ERBB3: variants seen among roughly 807,000 people sequenced by gnomAD.
ERBB3 encodes receptor tyrosine-protein kinase erbB-3.
A neutral mutation model predicts 156.7 loss-of-function variants in ERBB3; 96 were observed. The ratio of observed to expected loss-of-function variants is 0.61; its 90% confidence interval spans 0.52 to 0.73. The LOEUF (loss-of-function observed/expected upper bound fraction) is 0.73, where lower values mean the gene tolerates loss of function less well. ERBB3 is among the 30% of genes least tolerant of loss of function. The pLI is 0.00. For missense variants in ERBB3, 1,406 were observed against 1,709.4 expected, an observed-to-expected ratio of 0.82 and a Z score of 3.13; for synonymous variants, 567 against 632.0, an observed-to-expected ratio of 0.90 and a Z score of 1.54.
At position 56,102,968 on chromosome 12, in the gene ERBB3, GA is replaced by G. The variant is rs943411484; in HGVS notation, c.*925del. On this transcript the variant is annotated 3_prime_UTR_variant, in exon 28 of 28. Transcript: ENST00000267101. Reference sequence around the variant, plus strand: ...ATAGCAAGACACTGTCTCTACAGGGGAAAAAAAAAAAAGAAACTGAGCCTTA... The same window carrying G: ...ATAGCAAGACACTGTCTCTACAGGGGAAAAAAAAAAAGAAACTGAGCCTTA... 0.046 allele frequency: 8,442 copies of G among 185,180 alleles called. No individual in the cohort carries two copies. Among genetic ancestry groups the G allele is most frequent in the Middle Eastern group, 0.1 (52 of 518 alleles). The allele number at this position is 185,180 out of a possible 1,614,324, so 11.5% of individuals were successfully genotyped here. A position where few individuals can be genotyped will look rare whatever the true frequency, so the allele number is the denominator to read the frequency against.
intron 17 of ERBB3, 55 bp from the exon 18 acceptor site, chr12:56,096,448 G>C (rs1369870120): frequency 1.9e-6 from 3 of 1,611,436 alleles, no homozygotes; most frequent in Non-Finnish European, 2.5e-6. Context: ...GAGCGGGTTG[G>C]AGTGGGACAT....
chr12:56,095,750 C>T lies in ERBB3; in HGVS notation c.1999C>T (p.Arg667Cys), dbSNP rs775164134. The change falls in exon 17 of 28, where the codon CGT becomes TGT. Residue 667 changes from arginine to cysteine, a missense_variant. Transcript: ENST00000267101. Reference protein sequence around the residue: ...MMLGGTFLYWRGRRIQNKRAM... With the variant: ...MMLGGTFLYWCGRRIQNKRAM... ...GCTGGGCGGCACTTTTCTCTACTGG[C>T]GTGGGCGCCGGATTCAGAATAAAAG... is the stretch of plus-strand genomic sequence containing the variant. 3 of 1,614,126 alleles carry T rather than the reference C, an allele frequency of 1.9e-6. No individual in the cohort carries two copies. The highest frequency in any genetic ancestry group is 2.2e-5 in the South Asian group (2 of 91,080).
intron 1 of ERBB3, among the ~76,000 whole-genome samples, chr12:56,081,664 G>GGGAGGCA (rs1245117820): frequency 1.3e-5 from 2 of 152,058 alleles, no homozygotes; most frequent in African/African-American, 2.4e-5. Flanking sequence ...ACCCTCCCTG[G>GGGAGGCA]GGAGGCAGGA....
intron 4 of ERBB3, 120 bp from the exon 5 acceptor site, chr12:56,087,457 C>G (rs1312613327): frequency 1.1e-6 from 1 of 891,704 alleles, no homozygotes; most frequent in Admixed American, 1.7e-5. Context: ...GGGAGGGACA[C>G]AGCCCTGGCT....
At chr12:56,086,878 A>G in intron 4 of ERBB3, among the ~76,000 whole-genome samples, 1 of 152,206 alleles carries the variant, frequency 6.6e-6, no homozygotes, top group East Asian at 1.9e-4. Context: ...ATGGTGGCTC[A>G]TGCCTATAAT....
chr12:56,098,720 C>T (rs2136821978), intron 22 of ERBB3, 39 bp from the exon 23 acceptor site: 1 of 1,613,032 alleles, frequency 6.2e-7, no homozygotes, highest in Admixed American at 1.7e-5. Context: ...CCCATGTCTA[C>T]TATTTTGCCA....
chr12:56,084,656 C>A (rs1022776868), intron 2 of ERBB3, among the ~76,000 whole-genome samples: 1 of 150,014 alleles, frequency 6.7e-6, no homozygotes, highest in African/African-American at 2.4e-5. Context: ...CGAGACCAGC[C>A]TGACCAACAT....
chr12:56,095,518 A>C, intron 16 of ERBB3, 147 bp from the exon 17 acceptor site: 1 of 1,022,116 alleles, frequency 9.8e-7, no homozygotes, highest in Non-Finnish European at 1.5e-6. Context: ...GTCCAGATTT[A>C]GGTTGGTCCC....
In ERBB3 at chr12:56,094,431, T is replaced by G; in HGVS notation, c.1734T>G (p.His578Gln). The G allele has an allele frequency of 6.2e-7, 1 of 1,614,116 alleles. No individual in the cohort carries two copies. The highest frequency in any genetic ancestry group is 1.1e-5 in the South Asian group (1 of 91,076). ...CTGATACTTGTGCTCAATGTGCCCA[T>G]TTTCGAGATGGGCCCCACTGTGTGA... The part of the protein sequence containing the change: ...SGSDTCAQCA[H>Q]FRDGPHCVSS... The change falls in exon 15 of 28, where the codon CAT becomes CAG. Residue 578 changes from histidine (H) to glutamine (Q), a missense_variant. By Grantham distance (24) the His-to-Gln change is conservative. Transcript: ENST00000267101.
At chr12:56,092,888 T>C in intron 10 of ERBB3, 68 bp downstream of exon 10, 1 of 1,555,902 alleles carries the variant, frequency 6.4e-7, no homozygotes, top group South Asian at 1.1e-5. Context: ...GCGGTATAAC[T>C]ACTTGAGAAA....
rs765179217 is a variant in ERBB3 at position 56,095,799 on chromosome 12, G to A, written c.2048G>A (p.Arg683Gln). 1.3e-5 allele frequency: 21 copies of A among 1,614,024 alleles called. No individual in the cohort carries two copies. Among genetic ancestry groups the A allele is most frequent in the Middle Eastern group, 1.6e-4 (1 of 6,084 alleles). ...AGGGCTATGAGGCGATACTTGGAAC[G>A]GGGTGAGGTGAGTACTTAGCTTACT... Reference protein sequence around the residue: ...NKRAMRRYLERGESIEPLDPS... With the variant: ...NKRAMRRYLEQGESIEPLDPS... The change falls in exon 17 of 28, where the codon CGG (arginine) becomes CAG (glutamine). Residue 683 changes from arginine (R) to glutamine (Q), a missense_variant. Around this residue, in one of 3 missense-constraint regions of ERBB3, gnomAD observed 979 missense variants for 1,219.6 expected, o/e 0.80. Coordinates refer to ENST00000267101, the MANE Select transcript of ERBB3 (RefSeq NM_001982.4).
In ERBB3 at chr12:56,085,025, G is replaced by C. The variant is rs77228285; in HGVS notation, c.265G>C (p.Val89Leu). The C allele has an allele frequency of 6.2e-7, 1 of 1,614,072 alleles. No individual in the cohort carries two copies. Among genetic ancestry groups the C allele is most frequent in the East Asian group, 2.2e-5 (1 of 44,876 alleles). ...TCGAGAAGTGACAGGCTATGTCCTC[G>C]TGGCCATGAATGAATTCTCTACTCT... ...WIREVTGYVL[V>L]AMNEFSTLPL... Residue 89 changes from valine to leucine, a missense_variant, in exon 3 of 28, where the codon GTG (valine) becomes CTG (leucine). By Grantham distance (32) the Val-to-Leu change is conservative (BLOSUM62 1). This residue lies in a region of ERBB3 where 979 missense variants were observed against 1,219.6 expected (regional missense o/e 0.80). Coordinates refer to ENST00000267101, the MANE Select transcript of ERBB3 (RefSeq NM_001982.4).
chr12:56,096,729 C>G lies in ERBB3; in HGVS notation c.2176-19C>G. ...TAGGGAGAATGACCTTATGCCAACT[C>G]CTGCCCCAAACTTCCCAGGGAGTGT... On this transcript the variant is annotated intron_variant, in intron 18 of 27. Transcript: ENST00000267101. 1 of 1,612,856 alleles carries G rather than the reference C, an allele frequency of 6.2e-7. No homozygotes were observed. Among genetic ancestry groups the G allele is most frequent in the Non-Finnish European group, 8.5e-7 (1 of 1,178,902 alleles).
chr12:56,088,074 T>G lies in ERBB3; in HGVS notation c.786T>G (p.Pro262=). 1 of 1,614,144 alleles carries G rather than the reference T, an allele frequency of 6.2e-7. No homozygotes were observed. Among genetic ancestry groups the G allele is most frequent in the Non-Finnish European group, 8.5e-7 (1 of 1,179,988 alleles). The part of the protein sequence containing the change: ...SGACVPRCPQ[P]LVYNKLTFQL... ...CCTGTGTACCTCGCTGTCCACAGCC[T>G]CTTGTCTACAACAAGCTAACTTTCC... Residue 262 remains proline, a synonymous_variant, in exon 7 of 28, where the codon CCT becomes CCG. Transcript: ENST00000267101.
chr12:56,093,680 G>A, intron 12 of ERBB3, 84 bp from the exon 13 acceptor site: 14 of 1,591,030 alleles, frequency 8.8e-6, no homozygotes, highest in Non-Finnish European at 1.2e-5. Context: ...TGTTAGGCTG[G>A]AAGCAGTAAC....
Position 56,101,330 on chromosome 12 carries a change from C to A in ERBB3, c.3471C>A (p.Asn1157Lys). The part of the protein sequence containing the change: ...SPPGLEEEDV[N>K]GYVMPDTHLK... ...CCGGGTTAGAGGAAGAGGATGTCAA[C>A]GGTTATGTCATGCCAGATACACACC... Residue 1157 changes from asparagine (N) to lysine (K), a missense_variant, in exon 27 of 28, where the codon AAC (asparagine) becomes AAA (lysine). By Grantham distance (94) the Asn-to-Lys change is moderately conservative. This residue lies in a region of ERBB3 where 415 missense variants were observed against 454.1 expected (regional missense o/e 0.91). Transcript: ENST00000267101. 6.2e-7 allele frequency: 1 copy of A among 1,614,184 alleles called. No homozygotes were observed. Among genetic ancestry groups the A allele is most frequent in the Non-Finnish European group, 8.5e-7 (1 of 1,180,018 alleles).
rs757680970 is a variant in ERBB3 at position 56,096,766 on chromosome 12, G to A, written c.2194G>A (p.Gly732Ser). ...TVHKGVWIPE[G>S]ESIKIPVCIK... ...TTCCCAGGGAGTGTGGATCCCTGAGGGTGAATCAATCAAGATTCCAGTCTG... is the reference window on the plus strand; with the variant it reads ...TTCCCAGGGAGTGTGGATCCCTGAGAGTGAATCAATCAAGATTCCAGTCTG... Residue 732 changes from glycine to serine, a missense_variant, in exon 19 of 28, where the codon GGT (glycine) becomes AGT (serine). Gly to Ser is a moderately conservative substitution (Grantham distance 56). Coordinates refer to ENST00000267101, the MANE Select transcript of ERBB3 (RefSeq NM_001982.4). 1 of 1,613,886 alleles carries A rather than the reference G, an allele frequency of 6.2e-7. No homozygotes were observed. Among genetic ancestry groups the A allele is most frequent in the South Asian group, 1.1e-5 (1 of 91,058 alleles).
intron 7 of ERBB3, 38 bp downstream of exon 7, chr12:56,088,200 G>A (rs1390777206): frequency 1.9e-6 from 3 of 1,610,038 alleles, no homozygotes; most frequent in Non-Finnish European, 1.7e-6. Flanking sequence ...ATCAACAATA[G>A]TAGATCCAAG....
chr12:56,094,974 C>A (rs1868844287), intron 15 of ERBB3, among the ~76,000 whole-genome samples: 1 of 151,970 alleles, frequency 6.6e-6, no homozygotes, highest in African/African-American at 2.4e-5. Context: ...AGAATCACTC[C>A]CAGCTGTGTA....
Sources: gnomAD v4.1 joint callset for allele counts (sites outside exome capture counted in the v4.1 genomes callset) on GRCh38, gnomAD v4.1.1 for gene constraint, gnomAD v4.1.1 regional missense constraint, MANE v1.5 for transcripts, NCBI Gene and HGNC (gene_info 2026-07-23, HGNC 2026-07-21) for gene names.